Variants in PDE3A observed in about 807,000 individuals in gnomAD.
PDE3A encodes the protein cGMP-inhibited 3',5'-cyclic phosphodiesterase 3A.
A neutral mutation model predicts 98.3 loss-of-function variants in PDE3A; 43 were observed. That is an observed-to-expected ratio of 0.44 (90% confidence interval 0.34 to 0.56). The LOEUF is 0.56. PDE3A is among the 20% of genes least tolerant of loss of function. The probability of loss-of-function intolerance (pLI) is 0.01; values close to 1 mark genes in which losing one functional copy is unlikely to be tolerated. For synonymous variants in PDE3A, 663 were observed against 567.9 expected (o/e 1.17, Z -2.38); for missense variants, 1,427 against 1,440.7 (o/e 0.99, Z 0.15).
chr12:20,473,881 G>A (rs1945483097), intron 1 of PDE3A, among the ~76,000 whole-genome samples: 1 of 151,898 alleles, frequency 6.6e-6, no homozygotes, highest in Non-Finnish European at 1.5e-5. Context: ...ATCCATTCTA[G>A]TATTGATGGG....
At chr12:20,647,770 A>AT (rs1439649633) in intron 12 of PDE3A, among the ~76,000 whole-genome samples, 7 of 151,878 alleles carry the variant, frequency 4.6e-5, no homozygotes, top group African/African-American at 1.5e-4. Context: ...TTATCTGATA[A>AT]TTTTTTCTTG....
intron 1 of PDE3A, among the ~76,000 whole-genome samples, chr12:20,505,133 A>G (rs1415534405): frequency 6.6e-6 from 1 of 152,070 alleles, no homozygotes; most frequent in African/African-American, 2.4e-5. Flanking sequence ...TTTCATTCCA[A>G]ATGTGTAACC....
chr12:20,545,786 A>AAAAC (rs1555159462), intron 1 of PDE3A, among the ~76,000 whole-genome samples: 26 of 149,356 alleles, frequency 1.7e-4, no homozygotes, highest in East Asian at 1.0e-3. Flanking sequence ...CCAAAAAAAA[A>AAAAC]AAAACAAAAC....
At chr12:20,469,385 C>G (rs962148455) in intron 1 of PDE3A, among the ~76,000 whole-genome samples, 3 of 152,178 alleles carry the variant, frequency 2.0e-5, no homozygotes, top group African/African-American at 4.8e-5. Flanking sequence ...GTCAACTCCT[C>G]CCTATGCTCG....
At chr12:20,644,279 A>ACAG (rs1944720002) in intron 10 of PDE3A, among the ~76,000 whole-genome samples, 3 of 152,192 alleles carry the variant, frequency 2.0e-5, no homozygotes, top group Non-Finnish European at 2.9e-5. Flanking sequence ...CTGGTGATCT[A>ACAG]TACTAGTTCT....
chr12:20,625,324 T>C (rs1386976574), intron 5 of PDE3A, among the ~76,000 whole-genome samples: 7 of 152,222 alleles, frequency 4.6e-5, no homozygotes, highest in African/African-American at 9.6e-5. Context: ...ATTATTCTGC[T>C]TTAAAAATTC....
In PDE3A at chr12:20,600,652, T is replaced by A. The variant is rs148123258; in HGVS notation, c.1012-12791T>A. 3.3e-5 allele frequency among the ~76,000 whole-genome samples: 5 copies of A among 152,252 alleles called. No homozygotes were observed. The East Asian group carries it at 9.7e-4, about 29-fold the overall frequency. ...ATGTATGTACCCAATTGTGGAAAAA[T>A]TTGTAGGATTGCTTTTTGTGTCAGT... On this transcript the variant is annotated intron_variant, in intron 2 of 15. Coordinates refer to ENST00000359062, the MANE Select transcript of PDE3A (RefSeq NM_000921.5).
At chr12:20,519,245 A>G (rs1161417897) in intron 1 of PDE3A, among the ~76,000 whole-genome samples, 2 of 152,142 alleles carry the variant, frequency 1.3e-5, no homozygotes, top group South Asian at 2.1e-4. Flanking sequence ...TGAGTCTGGA[A>G]ACTCCTGTTA....
At chr12:20,644,654 T>C (rs1331578129) in intron 10 of PDE3A, among the ~76,000 whole-genome samples, 1 of 152,150 alleles carries the variant, frequency 6.6e-6, no homozygotes, top group Non-Finnish European at 1.5e-5. Context: ...GTAAATGTAA[T>C]GGGCTCATAT....
chr12:20,533,364 A>G (rs935151399), intron 1 of PDE3A, among the ~76,000 whole-genome samples: 5 of 150,830 alleles, frequency 3.3e-5, no homozygotes, highest in South Asian at 2.1e-4. Context: ...CTCTGCCTTG[A>G]CTCAAGACCT....
rs1945765912 is a variant in PDE3A, at chr12:20,680,900, G to C, written c.*629G>C. The C allele has an allele frequency of 6.5e-6, 1 of 153,542 alleles. No homozygotes were observed. Among genetic ancestry groups the C allele is most frequent in the African/African-American group, 2.4e-5 (1 of 41,316 alleles). The allele number at this position is 153,542 out of a possible 1,614,324, so 9.5% of individuals were successfully genotyped here. A position where few individuals can be genotyped will look rare whatever the true frequency, so the allele number is the denominator to read the frequency against. On this transcript the variant is annotated 3_prime_UTR_variant, in exon 16 of 16. Transcript: ENST00000359062. The stretch of plus-strand genomic sequence containing the variant: ...AGAGACAGAAGGGAATGGTTTGAGA[G>C]GGTGCTTGTGTGCATGTGTGTGCAT...
intron 1 of PDE3A, among the ~76,000 whole-genome samples, chr12:20,473,791 A>C (rs1945481426): frequency 6.6e-6 from 1 of 151,994 alleles, no homozygotes. Context: ...TTGAGATTCA[A>C]CCGTGTTGAT....
At chr12:20,616,132 A>G in intron 3 of PDE3A, 98 bp from the exon 4 acceptor site, 1 of 1,083,244 alleles carries the variant, frequency 9.2e-7, no homozygotes, top group Non-Finnish European at 1.3e-6. Flanking sequence ...AATTTAGTCA[A>G]TTCACTTCTA....
At chr12:20,546,646 C>G (rs1942067296) in intron 1 of PDE3A, among the ~76,000 whole-genome samples, 1 of 152,010 alleles carries the variant, frequency 6.6e-6, no homozygotes, top group Non-Finnish European at 1.5e-5. Context: ...AAATCAAAAA[C>G]CGTGTGCTCG....
chr12:20,453,759 GCT>G (rs1435928665), intron 1 of PDE3A, among the ~76,000 whole-genome samples: 2 of 151,954 alleles, frequency 1.3e-5, no homozygotes, highest in African/African-American at 4.8e-5. Flanking sequence ...TCCCTTCCTG[GCT>G]CTGTTTCTCT....
intron 1 of PDE3A, among the ~76,000 whole-genome samples, chr12:20,542,196 A>ATGTGACATGGCAAACAAAATATCTGCAC: frequency 6.6e-6 from 1 of 152,076 alleles, no homozygotes; most frequent in South Asian, 2.1e-4. Context: ...AGACTTTAAA[A>ATGTGACATGGCAAACAAAATATCTGCAC]ATTTTGTAAA....
chr12:20,680,284 T>C lies in PDE3A; in HGVS notation c.*13T>C, dbSNP rs774535301. The C allele has an allele frequency of 3.1e-6, 5 of 1,612,940 alleles. No homozygotes were observed. The South Asian group carries it at 5.5e-5, about 18-fold the overall frequency. Reference sequence around the variant, plus strand: ...GCCAGACCAGTGACAATGGATAGAATGGGCTGTGTTTCCAAACAGATTGAC... The same window carrying C: ...GCCAGACCAGTGACAATGGATAGAACGGGCTGTGTTTCCAAACAGATTGAC... On this transcript the variant is annotated 3_prime_UTR_variant, in exon 16 of 16. Coordinates refer to ENST00000359062, the MANE Select transcript of PDE3A (RefSeq NM_000921.5).
At chr12:20,673,123 A>T (rs1210029775) in intron 15 of PDE3A, among the ~76,000 whole-genome samples, 1 of 152,202 alleles carries the variant, frequency 6.6e-6, no homozygotes, top group African/African-American at 2.4e-5. Context: ...TGGCCATCAG[A>T]GAAATGCAAA....
At chr12:20,610,019 A>T (rs998498666) in intron 2 of PDE3A, among the ~76,000 whole-genome samples, 4 of 151,916 alleles carry the variant, frequency 2.6e-5, no homozygotes, top group African/African-American at 9.7e-5. Context: ...CCAAAATCTC[A>T]GGCCAAAAGA....
Sources: gnomAD v4.1 joint callset for allele counts (sites outside exome capture counted in the v4.1 genomes callset) on GRCh38, gnomAD v4.1.1 for gene constraint, MANE v1.5 for transcripts, NCBI Gene and HGNC (gene_info 2026-07-23, HGNC 2026-07-21) for gene names.